Variants in ITPR2 observed in about 807,000 individuals in gnomAD.
The protein encoded by ITPR2 is inositol 1,4,5-trisphosphate receptor type 2.
Under a neutral mutation model 317.1 loss-of-function variants are expected in ITPR2, and 207 were observed. The ratio of observed to expected loss-of-function variants is 0.65; its 90% CI spans 0.58 to 0.73. The LOEUF (loss-of-function observed/expected upper bound fraction) is 0.73, where lower values mean the gene tolerates loss of function less well. Ranked by LOEUF, ITPR2 falls within the 30% of genes least tolerant of loss-of-function variation. The probability of loss-of-function intolerance (pLI) is 0.00; values close to 1 mark genes in which losing one functional copy is unlikely to be tolerated. For missense variants in ITPR2, 2,613 were observed against 3,284.0 expected, an observed-to-expected ratio of 0.80 and a Z score of 4.99; for synonymous variants, 1,156 against 1,149.1, an observed-to-expected ratio of 1.01 and a Z score of -0.12.
At position 26,432,609 on chromosome 12, in the gene ITPR2, T is replaced by C. The variant is rs1331849938; in HGVS notation, c.6769+3612A>G. Among the ~76,000 whole-genome samples, 3 of 152,332 alleles carry C rather than the reference T, an allele frequency of 2.0e-5. No individual in the cohort carries two copies. In the East Asian group the frequency reaches 5.8e-4, roughly 29 times the overall value. On this transcript the variant is annotated intron_variant, in intron 48 of 56. Coordinates refer to ENST00000381340, the MANE Select transcript of ITPR2 (RefSeq NM_002223.4). ...TTTAGCAGCCATGGATAATTTTTACTACTGTGATGTTTGCCAAATGGTGAC... is the reference window on the plus strand; with the variant it reads ...TTTAGCAGCCATGGATAATTTTTACCACTGTGATGTTTGCCAAATGGTGAC...
chr12:26,666,877 G>GTGTTA (rs1463345094), intron 13 of ITPR2, among the ~76,000 whole-genome samples: 6 of 152,056 alleles, frequency 3.9e-5, no homozygotes, highest in African/African-American at 1.4e-4. Context: ...TTTTCCATTT[G>GTGTTA]TGTTAGTCGA....
chr12:26,657,136 C>T (rs984888886), intron 18 of ITPR2, among the ~76,000 whole-genome samples: 1 of 152,200 alleles, frequency 6.6e-6, no homozygotes, highest in Non-Finnish European at 1.5e-5. Flanking sequence ...AAGGCTTCTG[C>T]CTTGGGTTTC....
chr12:26,376,477 T>A (rs371409021), intron 55 of ITPR2, among the ~76,000 whole-genome samples: 6 of 152,338 alleles, frequency 3.9e-5, no homozygotes, highest in African/African-American at 1.2e-4. Context: ...CTTTTCAATT[T>A]CCAGTGGCAT....
chr12:26,664,445 G>C (rs1445803320), intron 14 of ITPR2, among the ~76,000 whole-genome samples: 3 of 152,204 alleles, frequency 2.0e-5, no homozygotes, highest in African/African-American at 4.8e-5. Flanking sequence ...CCAGATTCTT[G>C]TAAGAAGGTT....
chr12:26,423,091 A>G (rs908941109), intron 49 of ITPR2, among the ~76,000 whole-genome samples: 1 of 152,162 alleles, frequency 6.6e-6, no homozygotes. Context: ...TACTAAATTC[A>G]TCTCATCATA....
At chr12:26,650,355 A>G (rs1209759940) in intron 21 of ITPR2, among the ~76,000 whole-genome samples, 1 of 152,190 alleles carries the variant, frequency 6.6e-6, no homozygotes, top group East Asian at 1.9e-4. Context: ...GCTGTACGAT[A>G]CTATAATGTT....
At chr12:26,740,504 G>A (rs77174714) in intron 2 of ITPR2, among the ~76,000 whole-genome samples, 5 of 152,312 alleles carry the variant, frequency 3.3e-5, no homozygotes, top group Middle Eastern at 3.4e-3. Context: ...TCTGCGATAC[G>A]TCACACAGTA....
intron 46 of ITPR2, among the ~76,000 whole-genome samples, chr12:26,439,692 T>C (rs959880601): frequency 6.6e-6 from 1 of 152,238 alleles, no homozygotes; most frequent in Non-Finnish European, 1.5e-5. Context: ...ATAGCGCTTA[T>C]GTTATTTGTA....
At chr12:26,546,244 T>G (rs1165049358) in intron 37 of ITPR2, among the ~76,000 whole-genome samples, 2 of 152,218 alleles carry the variant, frequency 1.3e-5, no homozygotes, top group Non-Finnish European at 2.9e-5. Context: ...TACAACATAT[T>G]TTGTTAAGTA....
intron 2 of ITPR2, among the ~76,000 whole-genome samples, chr12:26,778,337 G>T (rs549186017): frequency 2.0e-5 from 3 of 152,234 alleles, no homozygotes; most frequent in South Asian, 2.1e-4. Context: ...TCACATCCCC[G>T]TTCAACTCCC....
chr12:26,822,229 T>C (rs1950947877), intron 1 of ITPR2, among the ~76,000 whole-genome samples: 1 of 152,230 alleles, frequency 6.6e-6, no homozygotes, highest in Non-Finnish European at 1.5e-5. Context: ...TGATGATATT[T>C]GTACAGTGAC....
intron 2 of ITPR2, among the ~76,000 whole-genome samples, chr12:26,742,308 A>T (rs1187676566): frequency 1.3e-5 from 2 of 152,250 alleles, no homozygotes; most frequent in Admixed American, 1.3e-4. Context: ...TGCATGCAAT[A>T]ACATTAATGA....
At chr12:26,634,624 G>A (rs1239731690) in intron 21 of ITPR2, among the ~76,000 whole-genome samples, 1 of 152,124 alleles carries the variant, frequency 6.6e-6, no homozygotes, top group Non-Finnish European at 1.5e-5. Flanking sequence ...GGTGGCTCAT[G>A]CCTGTAATCC....
rs1209704627 is a variant in ITPR2 at position 26,683,825 on chromosome 12, CTT to C, written c.1149-1154_1149-1153del. 3.9e-5 allele frequency among the ~76,000 whole-genome samples: 6 copies of C among 152,286 alleles called. 1 individual carries two copies. Among genetic ancestry groups the C allele is most frequent in the Admixed American group, 3.9e-4 (6 of 15,296 alleles). On this transcript the variant is annotated intron_variant, in intron 11 of 56. Coordinates refer to ENST00000381340, the MANE Select transcript of ITPR2 (RefSeq NM_002223.4). ...CCGTTTTTAGTAAATCTTTTATAAT[CTT>C]TTGTTATTTCTTTAACAAATATGTG...
chr12:26,465,823 C>G (rs28680575), intron 45 of ITPR2, among the ~76,000 whole-genome samples: 3,578 of 152,222 alleles, frequency 0.024, 139 homozygotes, highest in African/African-American at 0.081. Flanking sequence ...CACCCCACAA[C>G]TGCATCTATA....
At chr12:26,830,704 T>TA (rs1240470521) in intron 1 of ITPR2, among the ~76,000 whole-genome samples, 1 of 152,066 alleles carries the variant, frequency 6.6e-6, no homozygotes, top group South Asian at 2.1e-4. Flanking sequence ...AATTAGACAC[T>TA]AAAAAAAAGT....
chr12:26,388,665 A>G (rs1010243662), intron 54 of ITPR2, among the ~76,000 whole-genome samples: 6 of 151,912 alleles, frequency 3.9e-5, no homozygotes, highest in African/African-American at 9.7e-5. Flanking sequence ...GAGCTTCACA[A>G]TGTTGCCCAG....
At chr12:26,467,037 A>G (rs767111597) in intron 45 of ITPR2, among the ~76,000 whole-genome samples, 1 of 152,232 alleles carries the variant, frequency 6.6e-6, no homozygotes, top group African/African-American at 2.4e-5. Flanking sequence ...TGATTACTAC[A>G]TATTAGCATA....
At chr12:26,720,403 CAGT>C (rs1174568787) in intron 5 of ITPR2, among the ~76,000 whole-genome samples, 1 of 152,110 alleles carries the variant, frequency 6.6e-6, no homozygotes, top group Non-Finnish European at 1.5e-5. Flanking sequence ...TAAAGAAAAT[CAGT>C]AGTAGTTGAA....
Sources: allele counts gnomAD v4.1 joint callset (sites outside exome capture counted in the v4.1 genomes callset), GRCh38; gene constraint gnomAD v4.1.1; transcripts MANE v1.5; gene names NCBI Gene and HGNC (gene_info 2026-07-23, HGNC 2026-07-21).